Variants in XKR6 observed in about 807,000 individuals in gnomAD.
XKR6 encodes XK related 6.
XKR6 carries 22 observed loss-of-function variants against 56.7 expected under a neutral mutation model. The observed-to-expected ratio is 0.39, with a 90% CI of 0.28 to 0.55. The LOEUF (loss-of-function observed/expected upper bound fraction) is 0.55, where lower values mean the gene tolerates loss of function less well. XKR6 is among the 20% of genes least tolerant of loss of function. The pLI, the probability that XKR6 is intolerant of heterozygous loss-of-function variation, is 0.66. For synonymous variants in XKR6, 524 were observed against 387.8 expected, an observed-to-expected ratio of 1.35 and a Z score of -4.13; for missense variants, 852 against 889.0, an observed-to-expected ratio of 0.96 and a Z score of 0.53.
intron 1 of XKR6, among the ~76,000 whole-genome samples, chr8:11,082,091 C>T (rs988664957): frequency 1.3e-5 from 2 of 152,210 alleles, no homozygotes; most frequent in African/African-American, 4.8e-5. Context: ...AGAGACTCAC[C>T]TCCTTCCACT....
chr8:11,141,566 C>T (rs1800700050), intron 1 of XKR6, among the ~76,000 whole-genome samples: 2 of 152,232 alleles, frequency 1.3e-5, no homozygotes, highest in South Asian at 4.1e-4. Context: ...CAGACGCATA[C>T]TCTTGACGTG....
intron 1 of XKR6, among the ~76,000 whole-genome samples, chr8:11,082,814 G>C (rs1195671827): frequency 2.6e-5 from 4 of 152,368 alleles, no homozygotes; most frequent in African/African-American, 9.6e-5. Context: ...ACTGAGTGAT[G>C]TTAAAGCTCT....
rs1554479874 is a variant in XKR6 at position 11,178,549 on chromosome 8, T to TATATATATATATATAC, written c.764+22026_764+22027insGTATATATATATATAT. On this transcript the variant is annotated intron_variant, in intron 1 of 2. Transcript: ENST00000416569. The stretch of plus-strand genomic sequence containing the variant: ...AGTCCAAACATCTGAGAGGTAAAAA[T>TATATATATATATATAC]ATATATATATATATATATATATATG... Among the ~76,000 whole-genome samples the TATATATATATATATAC allele has an allele frequency of 5.2e-3, 502 of 96,534 alleles. 15 individuals are homozygous for TATATATATATATATAC. In the African/African-American group the frequency reaches 0.052, roughly 10 times the overall value. The allele number at this position is 96,534 out of a possible 152,430, so 63.3% of individuals were successfully genotyped here.
intron 1 of XKR6, among the ~76,000 whole-genome samples, chr8:11,059,564 G>C (rs1312447038): frequency 6.6e-6 from 1 of 151,906 alleles, no homozygotes; most frequent in Admixed American, 6.6e-5. Context: ...ACAAGAGCTC[G>C]GCTCCTCTTC....
intron 1 of XKR6, among the ~76,000 whole-genome samples, chr8:10,999,352 A>C (rs558871526): frequency 2.0e-4 from 30 of 152,382 alleles, no homozygotes; most frequent in Non-Finnish European, 3.5e-4. Context: ...TATGGTGTTG[A>C]AAGAAAAATT....
chr8:11,030,594 G>A (rs1001266758), intron 1 of XKR6, among the ~76,000 whole-genome samples: 6 of 152,120 alleles, frequency 3.9e-5, no homozygotes, highest in African/African-American at 1.4e-4. Context: ...CCTCTGCAAG[G>A]GTCCCTTACA....
chr8:11,070,169 G>C (rs1316263939), intron 1 of XKR6, among the ~76,000 whole-genome samples: 1 of 152,192 alleles, frequency 6.6e-6, no homozygotes, highest in African/African-American at 2.4e-5. Flanking sequence ...GAGGACAAGA[G>C]TCTTTCATCT....
chr8:10,991,447 A>G (rs1219813127), intron 1 of XKR6, among the ~76,000 whole-genome samples: 1 of 152,172 alleles, frequency 6.6e-6, no homozygotes. Flanking sequence ...GTTATGATTC[A>G]GAAGCTATCC....
chr8:11,192,245 G>C (rs993822646), intron 1 of XKR6, among the ~76,000 whole-genome samples: 1 of 151,890 alleles, frequency 6.6e-6, no homozygotes, highest in Non-Finnish European at 1.5e-5. Context: ...TGCAACCTCC[G>C]CCTCCCGGGT....
chr8:10,911,472 T>C (rs868790729), intron 2 of XKR6, among the ~76,000 whole-genome samples: 23 of 146,684 alleles, frequency 1.6e-4, no homozygotes, highest in Middle Eastern at 3.7e-3. Context: ...AGAATATGTA[T>C]GTGTATATAT....
Position 11,039,034 on chromosome 8 carries a change from A to C in XKR6, c.765-114204T>G, listed in dbSNP as rs566551575. On this transcript the variant is annotated intron_variant, in intron 1 of 2. Transcript: ENST00000416569. ...TGGGCACTGAGACCCTGCCACTCAG[A>C]GCTTATGGTCCCCAGAGAGTGGCGC... is the stretch of plus-strand genomic sequence containing the variant. Among the ~76,000 whole-genome samples the C allele has an allele frequency of 5.3e-5, 8 of 151,942 alleles. No individual in the cohort carries two copies. In the East Asian group the frequency reaches 1.4e-3, roughly 26 times the overall value.
chr8:11,080,643 A>C (rs532822344), intron 1 of XKR6, among the ~76,000 whole-genome samples: 1 of 152,234 alleles, frequency 6.6e-6, no homozygotes, highest in Non-Finnish European at 1.5e-5. Flanking sequence ...CTGTCCAGCC[A>C]GTAGGCCAAG....
chr8:11,008,683 G>A (rs1440097798), intron 1 of XKR6, among the ~76,000 whole-genome samples: 1 of 152,054 alleles, frequency 6.6e-6, no homozygotes, highest in Non-Finnish European at 1.5e-5. Context: ...CCAAAGTGCT[G>A]GGATTACAGG....
At chr8:10,908,545 C>T (rs138040853) in intron 2 of XKR6, among the ~76,000 whole-genome samples, 2 of 152,234 alleles carry the variant, frequency 1.3e-5, no homozygotes, top group East Asian at 3.9e-4. Flanking sequence ...GCCGCACTTG[C>T]TACTTCCTCT....
At position 11,039,463 on chromosome 8, in the gene XKR6, GGA is replaced by G. The variant is rs1169004512; in HGVS notation, c.765-114635_765-114634del. ...GGACACGCTGTGTGTGCAAGATGAG[GGA>G]CGCGCACTGCCCATGAGTAACTTCT... On this transcript the variant is annotated intron_variant, in intron 1 of 2. Coordinates refer to ENST00000416569, the MANE Select transcript of XKR6 (RefSeq NM_173683.4). Among the ~76,000 whole-genome samples the G allele has an allele frequency of 3.3e-5, 5 of 152,354 alleles. No homozygotes were observed. The East Asian group carries it at 9.6e-4, about 29-fold the overall frequency.
chr8:10,999,737 A>G (rs1321376919), intron 1 of XKR6, among the ~76,000 whole-genome samples: 1 of 152,234 alleles, frequency 6.6e-6, no homozygotes, highest in Non-Finnish European at 1.5e-5. Context: ...GAGGTAGCAT[A>G]AAAAGAATCA....
intron 1 of XKR6, among the ~76,000 whole-genome samples, chr8:11,038,544 TG>T (rs2129154875): frequency 7.4e-6 from 1 of 135,248 alleles, no homozygotes; most frequent in African/African-American, 3.1e-5. Context: ...TGTGTGTGTG[TG>T]TGTGTTTGAG....
chr8:11,142,845 G>A (rs897075394), intron 1 of XKR6, among the ~76,000 whole-genome samples: 1 of 152,192 alleles, frequency 6.6e-6, no homozygotes, highest in African/African-American at 2.4e-5. Context: ...CTTCAATGAG[G>A]ATGAGAATGA....
At chr8:11,048,378 C>A (rs1799462066) in intron 1 of XKR6, among the ~76,000 whole-genome samples, 1 of 152,146 alleles carries the variant, frequency 6.6e-6, no homozygotes. Flanking sequence ...TTTCTGGAGG[C>A]CTTGCCTTCT....
Sources: gnomAD v4.1 joint callset for allele counts (sites outside exome capture counted in the v4.1 genomes callset) on GRCh38, gnomAD v4.1.1 for gene constraint, MANE v1.5 for transcripts, NCBI Gene and HGNC (gene_info 2026-07-23, HGNC 2026-07-21) for gene names.